SCG3: variants seen among roughly 807,000 people sequenced by gnomAD.
The protein encoded by SCG3 is secretogranin-3.
In SCG3, 38 loss-of-function variants were observed where a neutral mutation model predicts 56.2. The ratio of observed to expected loss-of-function variants is 0.68; its 90% confidence interval spans 0.52 to 0.89. SCG3 has a LOEUF of 0.89. Ranked by LOEUF, SCG3 falls within the 40% of genes least tolerant of loss-of-function variation. The pLI is 0.00. For missense variants in SCG3, 524 were observed against 540.7 expected, an observed-to-expected ratio of 0.97 and a Z score of 0.31; for synonymous variants, 176 against 184.2, an observed-to-expected ratio of 0.96 and a Z score of 0.36.
chr15:51,712,425 T>G (rs1362219127), intron 10 of SCG3, among the ~76,000 whole-genome samples: 1 of 152,192 alleles, frequency 6.6e-6, no homozygotes, highest in African/African-American at 2.4e-5. Flanking sequence ...CCTCACCTGG[T>G]TAAGAGAGTG....
chr15:51,715,396 T>G (rs1401724252), intron 11 of SCG3, among the ~76,000 whole-genome samples: 1 of 152,130 alleles, frequency 6.6e-6, no homozygotes, highest in East Asian at 1.9e-4. Flanking sequence ...TGGCTGCAGC[T>G]GTATAAGCAG....
chr15:51,719,006 T>C (rs979367588), intron 11 of SCG3, among the ~76,000 whole-genome samples: 1 of 152,118 alleles, frequency 6.6e-6, no homozygotes. Flanking sequence ...ACAGCATCAG[T>C]ATCACCTGAC....
intron 4 of SCG3, 110 bp from the exon 5 acceptor site, chr15:51,688,150 T>C: frequency 1.9e-6 from 2 of 1,068,934 alleles, no homozygotes; most frequent in Non-Finnish European, 2.6e-6. Flanking sequence ...CATAAATACA[T>C]TTCAAACATA....
intron 11 of SCG3, among the ~76,000 whole-genome samples, chr15:51,716,732 C>T (rs528069409): frequency 3.0e-4 from 45 of 152,304 alleles, no homozygotes; most frequent in African/African-American, 1.0e-3. Context: ...ATTCTGCAGC[C>T]GACACTAGCT....
intron 11 of SCG3, among the ~76,000 whole-genome samples, chr15:51,718,315 T>C (rs988864735): frequency 4.6e-5 from 7 of 152,108 alleles, no homozygotes; most frequent in Admixed American, 1.3e-4. Context: ...GTGCTGGGAT[T>C]TCCCTTTCAA....
chr15:51,712,057 G>A (rs1053133323), intron 10 of SCG3, among the ~76,000 whole-genome samples: 3 of 152,190 alleles, frequency 2.0e-5, no homozygotes, highest in Non-Finnish European at 4.4e-5. Context: ...CTACTTGTTA[G>A]TCATGTGATT....
At chr15:51,719,244 G>C (rs1394054986) in intron 11 of SCG3, among the ~76,000 whole-genome samples, 164 bp from the exon 12 acceptor site, 2 of 152,200 alleles carry the variant, frequency 1.3e-5, no homozygotes, top group African/African-American at 4.8e-5. Flanking sequence ...ATTTTATACT[G>C]CAAAGTACTA....
chr15:51,718,158 TATAG>T (rs758293456), intron 11 of SCG3, among the ~76,000 whole-genome samples: 2 of 150,574 alleles, frequency 1.3e-5, no homozygotes, highest in African/African-American at 4.9e-5. Flanking sequence ...CGAAAACCTA[TATAG>T]ATAGTTAGAT....
intron 11 of SCG3, 112 bp from the exon 12 acceptor site, chr15:51,719,296 G>A (rs1019388051): frequency 1.4e-6 from 1 of 720,376 alleles, no homozygotes; most frequent in African/African-American, 1.8e-5. Flanking sequence ...TGTGAAAGAT[G>A]GGGAATGGTA....
chr15:51,705,785 CA>C (rs2055371303), intron 10 of SCG3, among the ~76,000 whole-genome samples: 1 of 152,144 alleles, frequency 6.6e-6, no homozygotes, highest in Admixed American at 6.5e-5. Context: ...TCCAGCCTAC[CA>C]AAGTACTGGG....
chr15:51,702,719 A>G (rs2055347462), intron 10 of SCG3, among the ~76,000 whole-genome samples: 1 of 152,236 alleles, frequency 6.6e-6, no homozygotes, highest in Non-Finnish European at 1.5e-5. Flanking sequence ...TGCTAGTTAC[A>G]TCATGGAAAT....
At chr15:51,692,098 A>G (rs892807701) in intron 6 of SCG3, 61 bp from the exon 7 acceptor site, 3 of 1,472,216 alleles carry the variant, frequency 2.0e-6, no homozygotes, top group Non-Finnish European at 2.8e-6. Flanking sequence ...GAAGGAATCA[A>G]GCTGGAGTTT....
At chr15:51,703,494 G>A (rs894629654) in intron 10 of SCG3, among the ~76,000 whole-genome samples, 3 of 152,156 alleles carry the variant, frequency 2.0e-5, no homozygotes, top group African/African-American at 7.2e-5. Context: ...CTAAATTGGT[G>A]TAGCTTGGGC....
chr15:51,699,104 A>G (rs571639933), intron 8 of SCG3, among the ~76,000 whole-genome samples: 1 of 152,330 alleles, frequency 6.6e-6, no homozygotes, highest in East Asian at 1.9e-4. Flanking sequence ...TTAGCTGAGT[A>G]GGAGGCTGAA....
Position 51,720,977 on chromosome 15 carries a change from T to C in SCG3, c.*1451T>C, listed in dbSNP as rs184552675. ...GCAACCTGTTCAGGTCGCCTGCCGCTGTGGAAGCTTTGTCCTTTTGCTCTT... is the reference window on the plus strand; with the variant it reads ...GCAACCTGTTCAGGTCGCCTGCCGCCGTGGAAGCTTTGTCCTTTTGCTCTT... On this transcript the variant is annotated 3_prime_UTR_variant, in exon 12 of 12. Coordinates refer to ENST00000220478, the MANE Select transcript of SCG3 (RefSeq NM_013243.4). 3.2e-3 allele frequency: 503 copies of C among 155,010 alleles called. 4 individuals carry two copies. Among genetic ancestry groups the C allele is most frequent in the Non-Finnish European group, 4.4e-3 (308 of 70,212 alleles). The allele number at this position is 155,010 out of a possible 1,614,324, so 9.6% of individuals were successfully genotyped here.
intron 10 of SCG3, among the ~76,000 whole-genome samples, chr15:51,702,033 T>G (rs1362754325): frequency 3.3e-5 from 5 of 152,112 alleles, no homozygotes; most frequent in Non-Finnish European, 5.9e-5. Context: ...TGTATACATA[T>G]GTAACAAACC....
At chr15:51,702,010 C>A (rs1387102288) in intron 10 of SCG3, among the ~76,000 whole-genome samples, 1 of 152,112 alleles carries the variant, frequency 6.6e-6, no homozygotes, top group Non-Finnish European at 1.5e-5. Context: ...GTGCAGCACA[C>A]CAGCATGGCA....
In SCG3 at chr15:51,701,254, T is replaced by C. The variant is rs1002435259; in HGVS notation, c.1207+10T>C. 5.7e-6 allele frequency: 9 copies of C among 1,576,430 alleles called. No homozygotes were observed. Among genetic ancestry groups the C allele is most frequent in the Non-Finnish European group, 7.7e-6 (9 of 1,165,956 alleles). On this transcript the variant is annotated intron_variant, in intron 10 of 11. Coordinates refer to ENST00000220478, the MANE Select transcript of SCG3 (RefSeq NM_013243.4). ...ACAGATGAACCCAAAGGTATGGGATTGACAGCTCTAGGTTAGCAATGAAAT... is the reference window on the plus strand; with the variant it reads ...ACAGATGAACCCAAAGGTATGGGATCGACAGCTCTAGGTTAGCAATGAAAT...
intron 9 of SCG3, among the ~76,000 whole-genome samples, chr15:51,700,826 A>G (rs1372208071): frequency 6.8e-6 from 1 of 147,290 alleles, no homozygotes; most frequent in Non-Finnish European, 1.5e-5. Flanking sequence ...AAAAATACCA[A>G]ATCAGAATTC....
Sources: gnomAD v4.1 joint callset for allele counts (sites outside exome capture counted in the v4.1 genomes callset) on GRCh38, gnomAD v4.1.1 for gene constraint, MANE v1.5 for transcripts, NCBI Gene and HGNC (gene_info 2026-07-23, HGNC 2026-07-21) for gene names.